MAL: variants seen among roughly 807,000 people sequenced by gnomAD.
The protein encoded by MAL is mal, T cell differentiation protein (MAL blood group), also known as myelin and lymphocyte protein.
A neutral mutation model predicts 16.7 loss-of-function variants in MAL; 5 were observed. That is an observed-to-expected ratio of 0.30 (90% CI 0.16 to 0.63). The LOEUF is 0.63. Among genes scored for constraint, MAL ranks in the 30% least tolerant of loss-of-function variants. The pLI is 0.82. For missense variants in MAL, 202 were observed against 195.8 expected, an observed-to-expected ratio of 1.03 and a Z score of -0.19; for synonymous variants, 96 against 85.5, an observed-to-expected ratio of 1.12 and a Z score of -0.67.
intron 1 of MAL, among the ~76,000 whole-genome samples, chr2:95,043,408 G>A (rs1326093808): frequency 6.6e-6 from 1 of 152,254 alleles, no homozygotes; most frequent in Non-Finnish European, 1.5e-5. Flanking sequence ...GTTCACACCA[G>A]CCCCCAGTGT....
At position 95,053,519 on chromosome 2, in the gene MAL, T is replaced by C; in HGVS notation, c.*64T>C. On this transcript the variant is annotated 3_prime_UTR_variant, in exon 4 of 4. Transcript: ENST00000309988. ...TAACTGGCCGCCCCACTTTCCGGCA[T>C]AACTTTTTAGAAAACAGAAATGCCC... 6 of 1,308,176 alleles carry C rather than the reference T, an allele frequency of 4.6e-6. No homozygotes were observed. Among genetic ancestry groups the C allele is most frequent in the South Asian group, 3.6e-5 (3 of 84,474 alleles). The allele number at this position is 1,308,176 out of a possible 1,614,324, so 81.0% of individuals were successfully genotyped here.
At chr2:95,049,782 G>C (rs2104361825) in intron 3 of MAL, 76 bp downstream of exon 3, 3 of 1,585,134 alleles carry the variant, frequency 1.9e-6, no homozygotes, top group Non-Finnish European at 2.6e-6. Context: ...AGGCTGCCTA[G>C]GCCCTTGGTC....
intron 1 of MAL, among the ~76,000 whole-genome samples, chr2:95,045,453 TCCC>T (rs1481940603): frequency 6.6e-6 from 1 of 152,086 alleles, no homozygotes; most frequent in African/African-American, 2.4e-5. Flanking sequence ...CTTCTCCTGG[TCCC>T]CACCAGTGAG....
At chr2:95,036,669 CTGAG>C (rs550800987) in intron 1 of MAL, among the ~76,000 whole-genome samples, 1 of 152,208 alleles carries the variant, frequency 6.6e-6, no homozygotes, top group Admixed American at 6.5e-5. Flanking sequence ...GAGTGAGTGA[CTGAG>C]TGACTAACTG....
chr2:95,044,543 A>AG (rs1234120142), intron 1 of MAL: 1 of 152,208 alleles, frequency 6.6e-6, no homozygotes, highest in Admixed American at 6.5e-5. Context: ...TTGCAAGGTG[A>AG]TGCCCCCAGA....
chr2:95,040,697 C>T (rs1043777984), intron 1 of MAL, among the ~76,000 whole-genome samples: 15 of 152,146 alleles, frequency 9.9e-5, no homozygotes, highest in Non-Finnish European at 1.5e-4. Flanking sequence ...GGGAGCTTCC[C>T]GCAGTCCTCC....
intron 3 of MAL, 50 bp downstream of exon 3, chr2:95,049,756 G>A: frequency 6.2e-7 from 1 of 1,609,124 alleles, no homozygotes; most frequent in Non-Finnish European, 8.5e-7. Context: ...CTCCGTGGCT[G>A]GCAGGGTGTG....
intron 3 of MAL, among the ~76,000 whole-genome samples, chr2:95,049,970 G>A (rs1674682563): frequency 1.3e-5 from 2 of 152,182 alleles, no homozygotes; most frequent in African/African-American, 4.8e-5. Flanking sequence ...GAGGGGATGC[G>A]GCTGCCCAGC....
Position 95,053,693 on chromosome 2 carries a change from G to C in MAL, c.*238G>C. The C allele has an allele frequency of 1.9e-6, 1 of 520,978 alleles. No individual in the cohort carries two copies. The highest frequency in any genetic ancestry group is 3.4e-6 in the Non-Finnish European group (1 of 291,148). 32.3% of individuals were successfully genotyped at this position (520,978 alleles called of 1,614,324 possible). A position where few individuals can be genotyped will look rare whatever the true frequency, so the allele number is the denominator to read the frequency against. ...GTGTCTAACCTCCAACTGCTGTGCT[G>C]TCTGCTAGGGTCACCTCCTGTTTGT... On this transcript the variant is annotated 3_prime_UTR_variant, in exon 4 of 4. Coordinates refer to ENST00000309988, the MANE Select transcript of MAL (RefSeq NM_002371.4).
At chr2:95,050,580 A>T (rs1674694100) in intron 3 of MAL, among the ~76,000 whole-genome samples, 1 of 152,166 alleles carries the variant, frequency 6.6e-6, no homozygotes, top group African/African-American at 2.4e-5. Context: ...AGACCCACAG[A>T]TAGGCTTTAG....
At chr2:95,037,384 TTGACTGAGTGAGTGAGTGACTGAGTGAG>T (rs1674252958) in intron 1 of MAL, among the ~76,000 whole-genome samples, 4 of 44,840 alleles carry the variant, frequency 8.9e-5, no homozygotes, top group Non-Finnish European at 1.9e-4. Flanking sequence ...GACTGAGTGA[TTGACTGAGTGAGTGAGTGACTGAGTGAG>T]TGACTGAGTG....
intron 1 of MAL, among the ~76,000 whole-genome samples, chr2:95,039,763 CTGAG>C (rs369876873): frequency 2.7e-4 from 41 of 151,508 alleles, no homozygotes; most frequent in Non-Finnish European, 5.3e-4. Flanking sequence ...GAGTGAGTGA[CTGAG>C]TGAGTGAGGG....
intron 1 of MAL, chr2:95,044,714 AT>A (rs2104354473): frequency 6.6e-6 from 1 of 152,424 alleles, no homozygotes; most frequent in African/African-American, 2.4e-5. Flanking sequence ...AATAGTCTTC[AT>A]CAGGTTGGTA....
In MAL at chr2:95,053,568, A is replaced by G; in HGVS notation, c.*113A>G. 1 of 729,028 alleles carries G rather than the reference A, an allele frequency of 1.4e-6. No individual in the cohort carries two copies. Among genetic ancestry groups the G allele is most frequent in the South Asian group, 1.9e-5 (1 of 52,864 alleles). 45.2% of individuals were successfully genotyped at this position (729,028 alleles called of 1,614,324 possible). On this transcript the variant is annotated 3_prime_UTR_variant, in exon 4 of 4. Transcript: ENST00000309988. ...CCTTGATGGTGGAAAAAAGAAAACA[A>G]CCACCCCCCCACTGCCCAAAAAAAA... is the stretch of plus-strand genomic sequence containing the variant.
intron 1 of MAL, among the ~76,000 whole-genome samples, chr2:95,032,474 G>T (rs750402129): frequency 4.6e-5 from 7 of 152,312 alleles, no homozygotes; most frequent in Non-Finnish European, 1.0e-4. Context: ...TGTCAGTGCC[G>T]GACATGGTGC....
chr2:95,050,368 G>C (rs182035523), intron 3 of MAL, among the ~76,000 whole-genome samples: 1 of 152,314 alleles, frequency 6.6e-6, no homozygotes, highest in Non-Finnish European at 1.5e-5. Flanking sequence ...ACCAGTCTAC[G>C]ATATAAAACA....
intron 1 of MAL, among the ~76,000 whole-genome samples, chr2:95,035,238 C>G (rs1465001171): frequency 2.0e-5 from 3 of 152,184 alleles, no homozygotes; most frequent in Admixed American, 6.5e-5. Context: ...CCATAAATCC[C>G]TTTTGTTTTT....
At chr2:95,031,045 G>A (rs2104329911) in intron 1 of MAL, among the ~76,000 whole-genome samples, 1 of 152,246 alleles carries the variant, frequency 6.6e-6, no homozygotes, top group Non-Finnish European at 1.5e-5. Context: ...CTGAGAAGGT[G>A]GCATGGGAAC....
chr2:95,035,606 G>A (rs1674184937), intron 1 of MAL, among the ~76,000 whole-genome samples: 1 of 152,096 alleles, frequency 6.6e-6, no homozygotes, highest in African/African-American at 2.4e-5. Context: ...CTGAACAGGG[G>A]GCTCTTCCCA....
Sources: gnomAD v4.1 joint callset for allele counts (sites outside exome capture counted in the v4.1 genomes callset) on GRCh38, gnomAD v4.1.1 for gene constraint, MANE v1.5 for transcripts, NCBI Gene and HGNC (gene_info 2026-07-23, HGNC 2026-07-21) for gene names.